HAUS7: variants seen among roughly 807,000 people sequenced by gnomAD.
HAUS7 encodes the protein HAUS augmin-like complex subunit 7.
A neutral mutation model predicts 28.4 loss-of-function variants in HAUS7; 3 were observed. That is an observed-to-expected ratio of 0.11 (90% confidence interval 0.05 to 0.27). The LOEUF is 0.27. Ranked by LOEUF, HAUS7 falls within the 10% of genes least tolerant of loss-of-function variation. The probability of loss-of-function intolerance (pLI) is 1.00; values close to 1 mark genes in which losing one functional copy is unlikely to be tolerated. For synonymous variants in HAUS7, 165 were observed against 132.1 expected (o/e 1.25, Z -1.71); for missense variants, 284 against 297.3 (o/e 0.96, Z 0.33).
chrX:153,458,337 G>A (rs1307698919), intron 4 of HAUS7, among the ~76,000 whole-genome samples: 1 of 113,009 alleles, frequency 8.8e-6, no homozygotes, highest in Non-Finnish European at 1.9e-5. Context: ...GGGGGCAGCG[G>A]GCTGCCACGT....
At chrX:153,468,396 T>C (rs1207894198) in intron 2 of HAUS7, among the ~76,000 whole-genome samples, 1 of 112,324 alleles carries the variant, frequency 8.9e-6, no homozygotes, top group Admixed American at 9.3e-5. Context: ...ACACACCCAA[T>C]CCCACAGGAG....
At chrX:153,469,793 A>G (rs1435570776) in intron 1 of HAUS7, among the ~76,000 whole-genome samples, 1 of 111,596 alleles carries the variant, frequency 9.0e-6, no homozygotes, top group Non-Finnish European at 1.9e-5. Context: ...AGGACCTAGG[A>G]GCAACGCCTG....
chrX:153,461,063 C>T (rs1569530990), intron 4 of HAUS7, among the ~76,000 whole-genome samples: 5 of 111,999 alleles, frequency 4.5e-5, no homozygotes, highest in Admixed American at 2.8e-4. Context: ...ACCCGAAGAG[C>T]CATGCAAAGG....
At chrX:153,447,948 G>A in intron 9 of HAUS7, 39 bp from the exon 10 acceptor site, 3 of 1,061,668 alleles carry the variant, frequency 2.8e-6, no homozygotes, top group Non-Finnish European at 3.9e-6. Flanking sequence ...GATGGTGGGA[G>A]TGTAAACTAG....
At position 153,447,985 on chromosome X, in the gene HAUS7, C is replaced by T. The variant is rs782756718; in HGVS notation, c.1046-76G>A. 7.6e-5 allele frequency: 62 copies of T among 817,429 alleles called. No homozygotes were observed. In the Middle Eastern group the frequency reaches 1.3e-3, roughly 17 times the overall value. The allele number at this position is 817,429 out of a possible 1,213,427, so 67.4% of individuals were successfully genotyped here. On this transcript the variant is annotated intron_variant, in intron 9 of 9. Transcript: ENST00000370211. ...TCCACCATTGTGGAAGTCAGTGTGGCGATTCCTCAGGGATCTAGAACTAGA... is the reference window on the plus strand; with the variant it reads ...TCCACCATTGTGGAAGTCAGTGTGGTGATTCCTCAGGGATCTAGAACTAGA...
chrX:153,470,920 C>T, upstream of HAUS7: 1 of 344,757 alleles, frequency 2.9e-6, no homozygotes, highest in Non-Finnish European at 5.6e-6. Flanking sequence ...GAGTCGCAGG[C>T]CTTGCTGGCG....
intron 1 of HAUS7, among the ~76,000 whole-genome samples, chrX:153,478,504 C>A (rs1569531552): frequency 8.8e-6 from 1 of 113,088 alleles, no homozygotes; most frequent in Non-Finnish European, 1.9e-5. Context: ...GCCAAGAAGT[C>A]TGGGGGGGAC....
intron 4 of HAUS7, among the ~76,000 whole-genome samples, chrX:153,459,951 T>C (rs995697350): frequency 2.7e-5 from 3 of 112,103 alleles, no homozygotes; most frequent in Non-Finnish European, 5.6e-5. Context: ...CGGGGGCTCA[T>C]GCTGATATTC....
chrX:153,491,017 C>T (rs2089668294), intron 1 of HAUS7, among the ~76,000 whole-genome samples: 1 of 111,900 alleles, frequency 8.9e-6, no homozygotes, highest in Non-Finnish European at 1.9e-5. Flanking sequence ...GGCATGGGCC[C>T]TTCTGTTCAC....
intron 1 of HAUS7, chrX:153,485,724 T>G: frequency 1.3e-6 from 1 of 772,361 alleles, no homozygotes; most frequent in Non-Finnish European, 1.6e-6. Flanking sequence ...CCTCTAGGAG[T>G]TGCCAACCGT....
At chrX:153,480,146 G>A (rs1040708202) in intron 1 of HAUS7, among the ~76,000 whole-genome samples, 9 of 111,325 alleles carry the variant, frequency 8.1e-5, no homozygotes, top group African/African-American at 2.9e-4. Flanking sequence ...CTGGGGAAAC[G>A]CCCTACCCCC....
At position 153,447,836 on chromosome X, in the gene HAUS7, G is replaced by A. The variant is rs368019368; in HGVS notation, c.*42C>T. 119 of 1,114,204 alleles carry A rather than the reference G, an allele frequency of 1.1e-4. No homozygotes were observed. In the Middle Eastern group the frequency reaches 1.2e-3, roughly 11 times the overall value. The allele number at this position is 1,114,204 out of a possible 1,213,427, so 91.8% of individuals were successfully genotyped here. On this transcript the variant is annotated 3_prime_UTR_variant, in exon 10 of 10. Coordinates refer to ENST00000370211, the MANE Select transcript of HAUS7 (RefSeq NM_001385482.1). Reference sequence around the variant, plus strand: ...GATCTTGGGAGAGGGCTTCCTGCCCGCCCCATCCTGTGCTTTGGCGTAGGC... The same window carrying A: ...GATCTTGGGAGAGGGCTTCCTGCCCACCCCATCCTGTGCTTTGGCGTAGGC...
At chrX:153,458,121 G>A (rs1378021330) in intron 4 of HAUS7, among the ~76,000 whole-genome samples, 5 of 113,535 alleles carry the variant, frequency 4.4e-5, no homozygotes, top group Non-Finnish European at 9.4e-5. Context: ...TCAGAAAAGT[G>A]TGTGGCAGGC....
At chrX:153,448,328 G>A (rs1269064381) in intron 9 of HAUS7, among the ~76,000 whole-genome samples, 281 of 100,455 alleles carry the variant, frequency 2.8e-3, no homozygotes, top group Non-Finnish European at 4.5e-3. Flanking sequence ...CTCACTCATA[G>A]GTGGGAACTG....
intron 1 of HAUS7, among the ~76,000 whole-genome samples, chrX:153,480,244 G>T (rs1317403022): frequency 9.1e-6 from 1 of 110,285 alleles, no homozygotes; most frequent in Non-Finnish European, 1.9e-5. Flanking sequence ...GGCTGCTGAA[G>T]CTCCCTGGGC....
rs1398566163 is a variant in HAUS7, at chrX:153,488,368, C to A, written c.-589+7006G>T. Among the ~76,000 whole-genome samples, 8 of 113,204 alleles carry A rather than the reference C, an allele frequency of 7.1e-5. No homozygotes were observed. The South Asian group carries it at 1.8e-3, about 26-fold the overall frequency. ...GAGGAGGAAGGGCACAGGGTGTCCG[C>A]TGCAAGGACCTCGCCCCGCCATCAG... On this transcript the variant is annotated intron_variant, in intron 1 of 5. Coordinates refer to the HAUS7 transcript ENST00000370210.
At chrX:153,461,313 G>A (rs1383737062) in intron 4 of HAUS7, among the ~76,000 whole-genome samples, 1 of 111,516 alleles carries the variant, frequency 9.0e-6, no homozygotes, top group Non-Finnish European at 1.9e-5. Flanking sequence ...CACTGGATAT[G>A]GACTTTGGGT....
At chrX:153,490,579 G>A (rs1211924121) in intron 1 of HAUS7, among the ~76,000 whole-genome samples, 5 of 113,009 alleles carry the variant, frequency 4.4e-5, no homozygotes, top group Non-Finnish European at 9.4e-5. Context: ...GTCATCCAGA[G>A]ACCCTTGAGT....
intron 4 of HAUS7, chrX:153,462,160 A>G: frequency 9.8e-7 from 1 of 1,024,158 alleles, no homozygotes. Context: ...AGTGAAAACA[A>G]TTATTTCAAA....
Sources: gnomAD v4.1 joint callset for allele counts (sites outside exome capture counted in the v4.1 genomes callset) on GRCh38, gnomAD v4.1.1 for gene constraint, MANE v1.5 for transcripts, NCBI Gene and HGNC (gene_info 2026-07-23, HGNC 2026-07-21) for gene names.